PPP2R2C: variants seen among roughly 807,000 people sequenced by gnomAD.
PPP2R2C encodes the protein protein phosphatase 2, regulatory subunit B, gamma.
A neutral mutation model predicts 45.3 loss-of-function variants in PPP2R2C; 10 were observed. The ratio of observed to expected loss-of-function variants is 0.22; its 90% CI spans 0.14 to 0.37. PPP2R2C has a LOEUF of 0.37. Among genes scored for constraint, PPP2R2C ranks in the 10% least tolerant of loss-of-function variants. The probability of loss-of-function intolerance (pLI) is 1.00; values close to 1 mark genes in which losing one functional copy is unlikely to be tolerated. For synonymous variants in PPP2R2C, 257 were observed against 245.4 expected (o/e 1.05, Z -0.44); for missense variants, 308 against 619.7 (o/e 0.50, Z 5.34).
intron 1 of PPP2R2C, among the ~76,000 whole-genome samples, chr4:6,553,677 C>T (rs1008097527): frequency 5.9e-5 from 9 of 152,200 alleles, no homozygotes; most frequent in Non-Finnish European, 1.2e-4. Flanking sequence ...CCTGGGGGAA[C>T]GACCCAAGTT....
chr4:6,403,353 C>T (rs552118527), intron 1 of PPP2R2C, among the ~76,000 whole-genome samples: 1 of 152,282 alleles, frequency 6.6e-6, no homozygotes, highest in East Asian at 1.9e-4. Flanking sequence ...ACTCCCTGGC[C>T]TCTTCCTCCT....
In PPP2R2C at chr4:6,330,406, C is replaced by T. The variant is rs201598332; in HGVS notation, c.961-1053G>A. Among the ~76,000 whole-genome samples, 70 of 152,322 alleles carry T rather than the reference C, an allele frequency of 4.6e-4. No individual in the cohort carries two copies. In the East Asian group the frequency reaches 7.1e-3, roughly 16 times the overall value. The stretch of plus-strand genomic sequence containing the variant: ...TTGGCTGGGCCAAGGTACCCAGATA[C>T]TTGGTGTTTCTGTGAAGACATTTTG... On this transcript the variant is annotated intron_variant, in intron 7 of 8. Transcript: ENST00000382599. The surrounding 1 kb of genome is among the most constrained non-coding windows in gnomAD (Gnocchi z 7.0).
At chr4:6,413,294 T>C (rs1247970511) in intron 1 of PPP2R2C, among the ~76,000 whole-genome samples, 1 of 152,210 alleles carries the variant, frequency 6.6e-6, no homozygotes, top group Non-Finnish European at 1.5e-5. Context: ...CACATATGCA[T>C]GGACACTTAC....
intron 1 of PPP2R2C, chr4:6,420,937 G>A (rs374686357): frequency 1.6e-5 from 16 of 984,992 alleles, no homozygotes; most frequent in East Asian, 1.1e-4. Flanking sequence ...CTCCTCCTAC[G>A]CCACCTACCA....
chr4:6,367,469 T>G (rs996070732), intron 5 of PPP2R2C, among the ~76,000 whole-genome samples: 4 of 152,050 alleles, frequency 2.6e-5, no homozygotes, highest in Admixed American at 2.6e-4. Flanking sequence ...CCCTGGGTTT[T>G]TCTTGTCAGG....
At chr4:6,436,372 T>C (rs1719896514) in intron 1 of PPP2R2C, among the ~76,000 whole-genome samples, 2 of 152,256 alleles carry the variant, frequency 1.3e-5, no homozygotes, top group African/African-American at 2.4e-5. Flanking sequence ...GTCTGAGCTT[T>C]ACAGCCATGG....
At chr4:6,349,061 C>A (rs1712284407) in intron 5 of PPP2R2C, 1 of 985,396 alleles carries the variant, frequency 1.0e-6, no homozygotes, top group Non-Finnish European at 1.2e-6. Context: ...TGCTGCCCAG[C>A]AGCAGATCAG....
At chr4:6,424,157 C>T (rs1038371415) in intron 1 of PPP2R2C, among the ~76,000 whole-genome samples, 2 of 152,206 alleles carry the variant, frequency 1.3e-5, no homozygotes, top group Admixed American at 1.3e-4. Flanking sequence ...AACCTCAGCC[C>T]CTGGAGCTCC....
At chr4:6,530,025 C>T (rs572765600) in intron 2 of PPP2R2C, among the ~76,000 whole-genome samples, 1 of 152,254 alleles carries the variant, frequency 6.6e-6, no homozygotes, top group South Asian at 2.1e-4. Flanking sequence ...TCATTCACCA[C>T]AGCGTGTGTC....
chr4:6,326,026 T>A (rs1227002160), intron 8 of PPP2R2C, among the ~76,000 whole-genome samples: 1 of 152,182 alleles, frequency 6.6e-6, no homozygotes, highest in Non-Finnish European at 1.5e-5. Flanking sequence ...CTGTGAGCGG[T>A]CAATCACAGT....
At position 6,471,085 on chromosome 4, in the gene PPP2R2C, C is replaced by A. The variant is rs1295602196; in HGVS notation, c.70+1075G>T. Reference sequence around the variant, plus strand: ...CAGGAGCCCGGTCTCCGCCGCCTGGCCCACTCGGTCTCCCTGACACAGGCA... The same window carrying A: ...CAGGAGCCCGGTCTCCGCCGCCTGGACCACTCGGTCTCCCTGACACAGGCA... On this transcript the variant is annotated intron_variant, in intron 1 of 8. Transcript: ENST00000382599. This position sits in a 1 kb window ranked among gnomAD's most constrained non-coding sequence, Gnocchi z 5.6. 6.6e-6 allele frequency among the ~76,000 whole-genome samples: 1 copy of A among 152,186 alleles called. No homozygotes were observed. Among genetic ancestry groups the A allele is most frequent in the South Asian group, 2.1e-4 (1 of 4,838 alleles).
chr4:6,329,390 T>G lies in PPP2R2C; in HGVS notation c.961-37A>C, dbSNP rs753918244. ...AGGGATGAGGTGAGTGGACGGGGCG[T>G]CCCGACCATCCTGGCCCTTCCACAA... is the stretch of plus-strand genomic sequence containing the variant. On this transcript the variant is annotated intron_variant, in intron 7 of 8. Coordinates refer to ENST00000382599, the MANE Select transcript of PPP2R2C (RefSeq NM_020416.4). This position sits in a 1 kb window ranked among gnomAD's most constrained non-coding sequence, Gnocchi z 5.8. 2 of 1,556,436 alleles carry G rather than the reference T, an allele frequency of 1.3e-6. No homozygotes were observed. Among genetic ancestry groups the G allele is most frequent in the Non-Finnish European group, 1.8e-6 (2 of 1,128,240 alleles).
At chr4:6,376,937 C>T (rs1218793176) in intron 3 of PPP2R2C, among the ~76,000 whole-genome samples, 1 of 152,116 alleles carries the variant, frequency 6.6e-6, no homozygotes, top group Non-Finnish European at 1.5e-5. Context: ...CGGGAGAACA[C>T]CATCAGAACA....
Position 6,373,103 on chromosome 4 carries a change from A to G in PPP2R2C, c.448-403T>C, listed in dbSNP as rs1490133984. On this transcript the variant is annotated intron_variant, in intron 4 of 8. Coordinates refer to ENST00000382599, the MANE Select transcript of PPP2R2C (RefSeq NM_020416.4). The stretch of plus-strand genomic sequence containing the variant: ...TTCCCAGCAGCCTTTGTGCCCAGAC[A>G]TGGCCACATGACTAGTTCTGACCAA... Among the ~76,000 whole-genome samples the G allele has an allele frequency of 2.0e-5, 3 of 152,238 alleles. No homozygotes were observed. In the East Asian group the frequency reaches 5.8e-4, roughly 29 times the overall value.
chr4:6,388,909 G>C (rs1418465738), intron 1 of PPP2R2C, among the ~76,000 whole-genome samples: 3 of 152,194 alleles, frequency 2.0e-5, no homozygotes, highest in African/African-American at 7.2e-5. Context: ...CTGACACAGA[G>C]CTGAGATGAG....
chr4:6,352,233 C>A (rs12511900), intron 5 of PPP2R2C, among the ~76,000 whole-genome samples: 1 of 151,806 alleles, frequency 6.6e-6, no homozygotes, highest in African/African-American at 2.4e-5. Flanking sequence ...GGCTGTCACT[C>A]GGGGCCCCCG....
At chr4:6,393,029 T>C (rs1019240061) in intron 1 of PPP2R2C, among the ~76,000 whole-genome samples, 1 of 152,242 alleles carries the variant, frequency 6.6e-6, no homozygotes, top group African/African-American at 2.4e-5. Context: ...TTGTTGTTTC[T>C]ATTTTAGCAT....
chr4:6,464,864 A>G (rs1302652279), intron 1 of PPP2R2C, among the ~76,000 whole-genome samples: 2 of 148,404 alleles, frequency 1.3e-5, no homozygotes, highest in African/African-American at 4.9e-5. Context: ...AGTTATGAAA[A>G]TAAGAAAGTG....
chr4:6,470,201 C>A (rs554555039), intron 1 of PPP2R2C, among the ~76,000 whole-genome samples: 1 of 152,320 alleles, frequency 6.6e-6, no homozygotes, highest in African/African-American at 2.4e-5. Flanking sequence ...ATATAGCTCC[C>A]TGATAGAATT....
Sources: gnomAD v4.1 joint callset for allele counts (sites outside exome capture counted in the v4.1 genomes callset) on GRCh38, gnomAD v4.1.1 for gene constraint, Gnocchi (gnomAD v3.1) non-coding constraint, MANE v1.5 for transcripts, NCBI Gene and HGNC (gene_info 2026-07-23, HGNC 2026-07-21) for gene names.